TPO: variants seen among roughly 807,000 people sequenced by gnomAD.
The protein encoded by TPO is thyroid microsomal antigen.
In TPO, 78 loss-of-function variants were observed where a neutral mutation model predicts 96.9. The observed-to-expected ratio is 0.81, with a 90% CI of 0.67 to 0.97. TPO has a LOEUF of 0.97. Ranked by LOEUF, TPO falls within the 50% of genes least tolerant of loss-of-function variation. The pLI is 0.00. For missense variants in TPO, 1,252 were observed against 1,274.8 expected, an observed-to-expected ratio of 0.98 and a Z score of 0.27; for synonymous variants, 547 against 538.0, an observed-to-expected ratio of 1.02 and a Z score of -0.23.
chr2:1,525,087 TACTGTGTGCAACCTGCTCAAATCCCCAA>T (rs1676134699), intron 15 of TPO, among the ~76,000 whole-genome samples: 2 of 15,306 alleles, frequency 1.3e-4, no homozygotes, highest in Non-Finnish European at 2.4e-4. Flanking sequence ...CAAATCCCCC[TACTGTGTGCAACCTGCTCAAATCCCCAA>T]ACTGTGTGCA....
rs373350060 is a variant in TPO at position 1,496,620 on chromosome 2, C to T, written c.2241C>T (p.Ser747=). Residue 747 remains serine (S), a synonymous_variant, in exon 13 of 17, where the codon AGC becomes AGT. Coordinates refer to ENST00000329066, the MANE Select transcript of TPO (RefSeq NM_001206744.2). ...ACGACAAGTGTGGCTTCCCAGAGAG[C>T]GTGGAGAATGGGGACTTTGTGCACT... ...PQDDKCGFPE[S]VENGDFVHCE... The T allele has an allele frequency of 1.6e-4, 257 of 1,613,672 alleles. No individual in the cohort carries two copies. The highest frequency in any genetic ancestry group is 1.7e-4 in the Non-Finnish European group (203 of 1,179,950).
intron 13 of TPO, 189 bp from the exon 14 acceptor site, chr2:1,503,759 C>A (rs1459880306): frequency 9.4e-7 from 1 of 1,060,176 alleles, no homozygotes; most frequent in African/African-American, 1.6e-5. Flanking sequence ...CAGCGCACAT[C>A]TGTCTGCTCC....
chr2:1,453,096 C>T (rs1667458765), intron 5 of TPO, among the ~76,000 whole-genome samples: 1 of 152,178 alleles, frequency 6.6e-6, no homozygotes, highest in Non-Finnish European at 1.5e-5. Context: ...CTCTCTCTCT[C>T]TCAGGAGAGA....
chr2:1,433,310 C>T (rs757102470), intron 3 of TPO, 128 bp from the exon 4 acceptor site: 109 of 1,206,050 alleles, frequency 9.0e-5, no homozygotes, highest in Middle Eastern at 2.3e-4. Flanking sequence ...GTGCACACCC[C>T]GCAGTGCCTG....
chr2:1,505,849 G>GT (rs56300488), intron 14 of TPO, among the ~76,000 whole-genome samples: 83,997 of 141,390 alleles, frequency 0.59, 24,909 homozygotes, highest in African/African-American at 0.68. Context: ...CTTTTTGGCA[G>GT]TTTTTTTTTT....
At chr2:1,422,951 A>T (rs1663925069) in intron 2 of TPO, 94 bp from the exon 3 acceptor site, 1 of 1,391,276 alleles carries the variant, frequency 7.2e-7, no homozygotes, top group African/African-American at 1.4e-5. Context: ...CGTGGGCATC[A>T]CCGCAGCAAG....
At chr2:1,541,140 C>G in intron 16 of TPO, 1 of 1,183,896 alleles carries the variant, frequency 8.4e-7, no homozygotes, top group East Asian at 5.8e-5. Flanking sequence ...ACCTTGTATG[C>G]AGAACCCCAA....
intron 15 of TPO, among the ~76,000 whole-genome samples, chr2:1,536,789 C>T (rs1333842456): frequency 8.1e-6 from 1 of 123,156 alleles, no homozygotes; most frequent in Non-Finnish European, 1.7e-5. Context: ...CCCCAAATCC[C>T]CCGCAATCTG....
intron 13 of TPO, 44 bp from the exon 14 acceptor site, chr2:1,503,904 T>G: frequency 6.2e-7 from 1 of 1,613,664 alleles, no homozygotes; most frequent in South Asian, 1.1e-5. Context: ...GAGATGGGGG[T>G]GCAGCCGCTT....
chr2:1,393,728 C>T (rs561762429), intron 1 of TPO, among the ~76,000 whole-genome samples: 21 of 152,320 alleles, frequency 1.4e-4, no homozygotes, highest in Admixed American at 9.1e-4. Context: ...AATGTCAATA[C>T]TTTATCCAGG....
intron 15 of TPO, among the ~76,000 whole-genome samples, chr2:1,537,850 T>TAA (rs1680195514): frequency 3.2e-5 from 1 of 31,712 alleles, no homozygotes; most frequent in Admixed American, 5.2e-4. Flanking sequence ...CCCCCCACTG[T>TAA]GTGCAATCTC....
At chr2:1,496,346 G>A (rs1010055994) in intron 12 of TPO, 149 bp downstream of exon 12, 23 of 1,001,568 alleles carry the variant, frequency 2.3e-5, no homozygotes, top group Middle Eastern at 3.0e-4. Flanking sequence ...CTCCTGGGGC[G>A]GGGCGGGGCG....
chr2:1,405,343 A>G (rs1662234624), intron 1 of TPO, among the ~76,000 whole-genome samples: 1 of 149,238 alleles, frequency 6.7e-6, no homozygotes, highest in African/African-American at 2.5e-5. Context: ...TCCATTCATC[A>G]TCCATCCACC....
At chr2:1,424,142 T>C (rs1199836675) in intron 3 of TPO, among the ~76,000 whole-genome samples, 2 of 152,312 alleles carry the variant, frequency 1.3e-5, no homozygotes, top group South Asian at 2.1e-4. Flanking sequence ...CTTTTACACA[T>C]CTTAGAGAGA....
At chr2:1,388,463 T>C (rs915842341) in intron 1 of TPO, among the ~76,000 whole-genome samples, 4 of 152,176 alleles carry the variant, frequency 2.6e-5, no homozygotes, top group Non-Finnish European at 4.4e-5. Context: ...CTCAGACTGC[T>C]GTGTTAGCAG....
intron 4 of TPO, 48 bp downstream of exon 4, chr2:1,433,655 G>A (rs1044132875): frequency 1.3e-6 from 2 of 1,591,402 alleles, no homozygotes; most frequent in Non-Finnish European, 1.7e-6. Flanking sequence ...TCCCGAAGGA[G>A]GACACCTTGA....
At chr2:1,448,513 C>T (rs1339008418) in intron 5 of TPO, among the ~76,000 whole-genome samples, 4 of 152,206 alleles carry the variant, frequency 2.6e-5, no homozygotes, top group Admixed American at 1.3e-4. Context: ...GGTTGAAAGG[C>T]AGCACTTGTC....
intron 14 of TPO, among the ~76,000 whole-genome samples, chr2:1,514,542 C>A (rs1054379262): frequency 6.6e-6 from 1 of 152,178 alleles, no homozygotes; most frequent in African/African-American, 2.4e-5. Context: ...CCTTGCCCAG[C>A]CCCACCAGAG....
intron 1 of TPO, among the ~76,000 whole-genome samples, chr2:1,403,798 G>A (rs771110706): frequency 7.9e-5 from 12 of 152,190 alleles, no homozygotes; most frequent in Non-Finnish European, 1.8e-4. Context: ...GCATGCTTTA[G>A]TGGGAGTGGT....
Sources: allele counts gnomAD v4.1 joint callset (sites outside exome capture counted in the v4.1 genomes callset), GRCh38; gene constraint gnomAD v4.1.1; transcripts MANE v1.5; gene names NCBI Gene and HGNC (gene_info 2026-07-23, HGNC 2026-07-21).